Variants in CLPTM1 observed in about 807,000 individuals in gnomAD.
The protein encoded by CLPTM1 is putative lipid scramblase CLPTM1.
Under a neutral mutation model 77.3 loss-of-function variants are expected in CLPTM1, and 21 were observed. The observed-to-expected ratio is 0.27, with a 90% CI of 0.19 to 0.39. The LOEUF (loss-of-function observed/expected upper bound fraction) is 0.39. Ranked by LOEUF, CLPTM1 falls within the 10% of genes least tolerant of loss-of-function variation. The pLI is 1.00. For missense variants in CLPTM1, 642 were observed against 921.2 expected (o/e 0.70, Z 3.92); for synonymous variants, 373 against 381.0 (o/e 0.98, Z 0.24).
At chr19:44,957,321 C>T (rs1367082359) in intron 1 of CLPTM1, among the ~76,000 whole-genome samples, 1 of 152,258 alleles carries the variant, frequency 6.6e-6, no homozygotes. Flanking sequence ...TGTCCCAGCC[C>T]TGCCCTACTG....
intron 2 of CLPTM1, among the ~76,000 whole-genome samples, chr19:44,970,818 A>T (rs1970705681): frequency 7.8e-6 from 1 of 128,182 alleles, no homozygotes; most frequent in African/African-American, 3.3e-5. Context: ...CAAATCCAAG[A>T]TCCTTTACTT....
At chr19:44,955,062 C>T (rs997151100), upstream of CLPTM1, 15 of 1,535,446 alleles carry the variant, frequency 9.8e-6, no homozygotes, top group African/African-American at 1.2e-4. Flanking sequence ...CAGGATGTCC[C>T]GAAAGGCTCA....
chr19:44,971,773 G>C (rs954533216), intron 2 of CLPTM1, among the ~76,000 whole-genome samples: 9 of 151,724 alleles, frequency 5.9e-5, no homozygotes, highest in Middle Eastern at 3.4e-3. Context: ...TGCCCAGGCT[G>C]GTCTCAAACT....
intron 9 of CLPTM1, among the ~76,000 whole-genome samples, chr19:44,989,051 C>T (rs1971027630): frequency 1.3e-5 from 2 of 152,140 alleles, no homozygotes; most frequent in South Asian, 2.1e-4. Flanking sequence ...GGCATGGCAG[C>T]GTGTGCCTAT....
At chr19:44,983,359 G>A (rs1418499978) in intron 5 of CLPTM1, among the ~76,000 whole-genome samples, 2 of 151,910 alleles carry the variant, frequency 1.3e-5, no homozygotes, top group Admixed American at 6.6e-5. Context: ...AGTGGCTCAC[G>A]CCTGTCATCC....
At chr19:44,969,836 C>A (rs1022394890) in intron 2 of CLPTM1, among the ~76,000 whole-genome samples, 2 of 151,618 alleles carry the variant, frequency 1.3e-5, no homozygotes, top group African/African-American at 4.9e-5. Flanking sequence ...TACAGGCGCC[C>A]GCCACCACGC....
intron 2 of CLPTM1, among the ~76,000 whole-genome samples, chr19:44,970,381 G>A (rs1970698873): frequency 2.2e-5 from 3 of 139,140 alleles, no homozygotes; most frequent in Admixed American, 7.2e-5. Flanking sequence ...CTCATATGTT[G>A]TATGTGCCCT....
At chr19:44,975,156 A>C (rs181797359) in intron 4 of CLPTM1, among the ~76,000 whole-genome samples, 1 of 152,058 alleles carries the variant, frequency 6.6e-6, no homozygotes, top group African/African-American at 2.4e-5. Context: ...CTCAAATCCA[A>C]CCTCCTCCAG....
intron 1 of CLPTM1, 22 bp from the exon 2 acceptor site, chr19:44,961,941 C>A (rs1411799172): frequency 6.5e-7 from 1 of 1,547,706 alleles, no homozygotes; most frequent in Admixed American, 2.0e-5. Context: ...TCCCTCCTTA[C>A]CCTGGCCTCT....
At chr19:44,980,440 C>T (rs113289398) in intron 5 of CLPTM1, among the ~76,000 whole-genome samples, 3 of 144,328 alleles carry the variant, frequency 2.1e-5, no homozygotes, top group East Asian at 2.1e-4. Flanking sequence ...ACCCCGGAGG[C>T]GGAGATTGCA....
At chr19:44,974,632 G>A in intron 4 of CLPTM1, 35 bp downstream of exon 4, 1 of 1,562,936 alleles carries the variant, frequency 6.4e-7, no homozygotes, top group South Asian at 1.1e-5. Context: ...CCCCATGGCT[G>A]CTTGACTGGC....
Position 44,974,579 on chromosome 19 carries a change from T to C in CLPTM1, c.450T>C (p.Ala150=). ...ENSDGCYEHF[A]ELDIPQSVQQ... ...CAGACGGCTGCTACGAGCACTTTGC[T>C]GAGCTCGATATCCCACAGGTGGGGG... The change falls in exon 4 of 14, where the codon GCT becomes GCC. Residue 150 remains alanine, a synonymous_variant. Coordinates refer to ENST00000337392, the MANE Select transcript of CLPTM1 (RefSeq NM_001294.4). 6.2e-7 allele frequency: 1 copy of C among 1,614,094 alleles called. No individual in the cohort carries two copies. The highest frequency in any genetic ancestry group is 2.2e-5 in the East Asian group (1 of 44,878).
chr19:44,980,508 CAAAAAAA>C, intron 5 of CLPTM1, among the ~76,000 whole-genome samples: 2 of 93,076 alleles, frequency 2.1e-5, no homozygotes, highest in Middle Eastern at 5.0e-3. Flanking sequence ...GACTCCATCT[CAAAAAAA>C]AAAAAAAAAA....
At position 44,992,961 on chromosome 19, in the gene CLPTM1, GCCTCC is replaced by G; in HGVS notation, c.*71_*75del. The G allele has an allele frequency of 1.3e-6, 2 of 1,547,258 alleles. No homozygotes were observed. The highest frequency in any genetic ancestry group is 2.3e-5 in the South Asian group (2 of 86,802). ...ACTACCCCTGCGTCCCGGCCCCCTC[GCCTCC>G]CCTCCCTGTCGCCCTTTCCCTGGAC... On this transcript the variant is annotated 3_prime_UTR_variant, in exon 14 of 14. Transcript: ENST00000337392. The surrounding 1 kb of genome is among the most constrained non-coding windows in gnomAD (Gnocchi z 7.7).
At chr19:44,977,041 T>C (rs1373172535) in intron 4 of CLPTM1, among the ~76,000 whole-genome samples, 1 of 152,092 alleles carries the variant, frequency 6.6e-6, no homozygotes, top group Non-Finnish European at 1.5e-5. Context: ...GTGCTCCAGG[T>C]AGTCCCTGCA....
intron 2 of CLPTM1, among the ~76,000 whole-genome samples, chr19:44,966,865 A>G (rs1970638779): frequency 6.6e-6 from 1 of 151,260 alleles, no homozygotes; most frequent in Non-Finnish European, 1.5e-5. Flanking sequence ...TTTGGGAGAC[A>G]GAATCTCGCT....
chr19:44,968,621 C>T lies in CLPTM1; in HGVS notation c.186-4466C>T, dbSNP rs886413812. Among the ~76,000 whole-genome samples the T allele has an allele frequency of 9.4e-5, 9 of 95,406 alleles. No homozygotes were observed. The Admixed American group carries it at 9.9e-4, about 11-fold the overall frequency. 62.6% of individuals were successfully genotyped at this position (95,406 alleles called of 152,430 possible). A position where few individuals can be genotyped will look rare whatever the true frequency, so the allele number is the denominator to read the frequency against. Reference sequence around the variant, plus strand: ...CTGAGAGGGTCCACAGAACTGTGGGCGTGTGGATACACACAGGACGTTCTT... The same window carrying T: ...CTGAGAGGGTCCACAGAACTGTGGGTGTGTGGATACACACAGGACGTTCTT... On this transcript the variant is annotated intron_variant, in intron 2 of 13. Coordinates refer to ENST00000337392, the MANE Select transcript of CLPTM1 (RefSeq NM_001294.4).
intron 1 of CLPTM1, among the ~76,000 whole-genome samples, chr19:44,960,073 G>C (rs996879734): frequency 1.3e-5 from 2 of 152,148 alleles, no homozygotes; most frequent in African/African-American, 4.8e-5. Flanking sequence ...TTTCCCAATA[G>C]CTAGGCTGGC....
At chr19:44,977,483 G>A (rs781221225) in intron 5 of CLPTM1, 23 bp downstream of exon 5, 19 of 1,553,038 alleles carry the variant, frequency 1.2e-5, no homozygotes, top group Non-Finnish European at 1.3e-5. Flanking sequence ...CCTGCAGCCA[G>A]GACCCACTGT....
Sources: gnomAD v4.1 joint callset for allele counts (sites outside exome capture counted in the v4.1 genomes callset) on GRCh38, gnomAD v4.1.1 for gene constraint, Gnocchi (gnomAD v3.1) non-coding constraint, MANE v1.5 for transcripts, NCBI Gene and HGNC (gene_info 2026-07-23, HGNC 2026-07-21) for gene names.